LIPK: variants seen among roughly 807,000 people sequenced by gnomAD.
The protein encoded by LIPK is lipase member K.
LIPK carries 32 observed loss-of-function variants against 48.6 expected under a neutral mutation model. The observed-to-expected ratio is 0.66, with a 90% CI of 0.50 to 0.88. The LOEUF (loss-of-function observed/expected upper bound fraction) is 0.88, where lower values mean the gene tolerates loss of function less well. LIPK is among the 40% of genes least tolerant of loss of function. LIPK has a pLI of 0.00. For missense variants in LIPK, 507 were observed against 478.5 expected, an observed-to-expected ratio of 1.06 and a Z score of -0.56; for synonymous variants, 164 against 157.4, an observed-to-expected ratio of 1.04 and a Z score of -0.32.
intron 7 of LIPK, 28 bp from the exon 8 acceptor site, chr10:88,739,968 C>T (rs1411498926): frequency 6.6e-7 from 1 of 1,511,128 alleles, no homozygotes; most frequent in Non-Finnish European, 9.2e-7. Context: ...TATGATTAGC[C>T]TCTAGATGAG....
chr10:88,709,973 T>C (rs1424575855), intron 1 of LIPK, among the ~76,000 whole-genome samples: 1 of 152,134 alleles, frequency 6.6e-6, no homozygotes, highest in Admixed American at 6.6e-5. Flanking sequence ...TATGTGCCTA[T>C]GTATTTCTTG....
chr10:88,718,697 A>C (rs1047045001), intron 1 of LIPK, among the ~76,000 whole-genome samples: 1 of 152,158 alleles, frequency 6.6e-6, no homozygotes, highest in Admixed American at 6.5e-5. Flanking sequence ...AAAGAAATTG[A>C]GTAAAACAGA....
chr10:88,726,566 T>G (rs1842346008), intron 2 of LIPK, among the ~76,000 whole-genome samples: 1 of 152,192 alleles, frequency 6.6e-6, no homozygotes, highest in South Asian at 2.1e-4. Flanking sequence ...TTGGGACAGG[T>G]GCCTTTAGTT....
chr10:88,727,031 A>C, intron 3 of LIPK, 119 bp downstream of exon 3: 2 of 676,668 alleles, frequency 3.0e-6, no homozygotes, highest in Non-Finnish European at 5.2e-6. Flanking sequence ...TTAAAGGAGA[A>C]AAATTATCGC....
At chr10:88,716,818 G>A (rs1418754341) in intron 1 of LIPK, among the ~76,000 whole-genome samples, 1 of 152,150 alleles carries the variant, frequency 6.6e-6, no homozygotes, top group African/African-American at 2.4e-5. Flanking sequence ...GTATCCTGAA[G>A]GCTTGAGGGA....
At chr10:88,711,826 T>G in intron 1 of LIPK, among the ~76,000 whole-genome samples, 1 of 152,056 alleles carries the variant, frequency 6.6e-6, no homozygotes, top group East Asian at 1.9e-4. Context: ...TTTAATAATT[T>G]TTTAATCTTT....
At chr10:88,720,463 C>T (rs1842200914) in intron 1 of LIPK, among the ~76,000 whole-genome samples, 1 of 152,044 alleles carries the variant, frequency 6.6e-6, no homozygotes, top group South Asian at 2.1e-4. Context: ...TGCAACCAAC[C>T]TCCATGACAC....
chr10:88,729,873 A>G lies in LIPK; in HGVS notation c.224-1110A>G, dbSNP rs1302124179. 3.3e-5 allele frequency among the ~76,000 whole-genome samples: 5 copies of G among 152,204 alleles called. No individual in the cohort carries two copies. In the East Asian group the frequency reaches 9.6e-4, roughly 29 times the overall value. Reference sequence around the variant, plus strand: ...AGTCCTGAGATAACAACACAGCATCACAAACCACTTATAAAGCACAGGAAA... The same window carrying G: ...AGTCCTGAGATAACAACACAGCATCGCAAACCACTTATAAAGCACAGGAAA... On this transcript the variant is annotated intron_variant, in intron 3 of 9. Coordinates refer to ENST00000404190, the MANE Select transcript of LIPK (RefSeq NM_001080518.2).
At chr10:88,722,227 A>C (rs420653) in intron 1 of LIPK, among the ~76,000 whole-genome samples, 1 of 152,084 alleles carries the variant, frequency 6.6e-6, no homozygotes, top group Admixed American at 6.5e-5. Context: ...CCCAGAAGAC[A>C]GATGTTGCAG....
chr10:88,742,068 G>A (rs1468723981), intron 8 of LIPK, among the ~76,000 whole-genome samples: 1 of 152,132 alleles, frequency 6.6e-6, no homozygotes, highest in African/African-American at 2.4e-5. Flanking sequence ...GAGAGAGAGA[G>A]CACAAAGTGG....
intron 3 of LIPK, chr10:88,728,237 G>T: frequency 5.2e-6 from 1 of 190,570 alleles, no homozygotes; most frequent in South Asian, 9.1e-5. Flanking sequence ...TCCTATCCTT[G>T]GACAACAGCC....
At chr10:88,710,210 T>G (rs1033934973) in intron 1 of LIPK, among the ~76,000 whole-genome samples, 36 of 152,154 alleles carry the variant, frequency 2.4e-4, no homozygotes, top group African/African-American at 8.4e-4. Flanking sequence ...TAACAAGAAT[T>G]AAAGCAATCT....
intron 8 of LIPK, among the ~76,000 whole-genome samples, 171 bp from the exon 9 acceptor site, chr10:88,743,079 T>G (rs1481462115): frequency 6.6e-6 from 1 of 152,218 alleles, no homozygotes; most frequent in Non-Finnish European, 1.5e-5. Context: ...TTCTGTGAAT[T>G]ACGATAAGAT....
At chr10:88,712,590 GT>G (rs201503171) in intron 1 of LIPK, among the ~76,000 whole-genome samples, 4 of 151,320 alleles carry the variant, frequency 2.6e-5, no homozygotes, top group East Asian at 3.9e-4. Context: ...TCCAGATAAT[GT>G]TTTTTTTTAT....
rs138444783 is a variant in LIPK, at chr10:88,748,371, T to G, written c.961-4146T>G. 4.6e-3 allele frequency among the ~76,000 whole-genome samples: 704 copies of G among 152,180 alleles called. 8 individuals carry two copies. The highest frequency in any genetic ancestry group is 0.016 in the African/African-American group (674 of 41,500). On this transcript the variant is annotated intron_variant, in intron 9 of 9. Transcript: ENST00000404190. ...GTAACAAACTTGCACATTGTGCACA[T>G]GTATCCTGTCTGAGGCGGGCAGATC...
At chr10:88,711,969 A>T (rs556293399) in intron 1 of LIPK, among the ~76,000 whole-genome samples, 2 of 152,278 alleles carry the variant, frequency 1.3e-5, no homozygotes, top group South Asian at 2.1e-4. Flanking sequence ...TGGTTTGGGA[A>T]ATGTATCAAG....
chr10:88,734,915 T>C (rs1023043896), intron 6 of LIPK, among the ~76,000 whole-genome samples: 1 of 152,228 alleles, frequency 6.6e-6, no homozygotes, highest in Non-Finnish European at 1.5e-5. Context: ...GCAGGCATGC[T>C]TGGTGAAAGG....
chr10:88,737,596 C>T lies in LIPK; in HGVS notation c.670-39C>T, dbSNP rs17433398. On this transcript the variant is annotated intron_variant, in intron 6 of 9. Transcript: ENST00000404190. The stretch of plus-strand genomic sequence containing the variant: ...TCTCTTTCTCCACTTTTGATATCCA[C>T]GCCTGTAAGATTTGATGGTGTTTTA... 7.8e-4 allele frequency: 1,245 copies of T among 1,605,548 alleles called. 1 individual carries two copies. The Middle Eastern group carries it at 7.8e-3, about 10-fold the overall frequency.
At chr10:88,724,486 C>T (rs376036) in intron 1 of LIPK, 47 bp from the exon 2 acceptor site, 818,271 of 1,146,114 alleles carry the variant, frequency 0.71, 297,725 homozygotes, top group East Asian at 1. Context: ...AATTTCACTT[C>T]GTAGAATTTA....
Sources: allele counts gnomAD v4.1 joint callset (sites outside exome capture counted in the v4.1 genomes callset), GRCh38; gene constraint gnomAD v4.1.1; transcripts MANE v1.5; gene names NCBI Gene and HGNC (gene_info 2026-07-23, HGNC 2026-07-21).